GALNT17: variants seen among roughly 807,000 people sequenced by gnomAD.
The protein encoded by GALNT17 is polypeptide N-acetylgalactosaminyltransferase 17.
GALNT17 carries 29 observed loss-of-function variants against 63.7 expected under a neutral mutation model. That is an observed-to-expected ratio of 0.46 (90% confidence interval 0.34 to 0.62). The LOEUF is 0.62. Ranked by LOEUF, GALNT17 falls within the 20% of genes least tolerant of loss-of-function variation. The pLI is 0.01. For synonymous variants in GALNT17, 305 were observed against 318.3 expected (o/e 0.96, Z 0.45); for missense variants, 603 against 799.6 (o/e 0.75, Z 2.97).
chr7:71,705,618 C>T (rs915270936), intron 9 of GALNT17, among the ~76,000 whole-genome samples: 3 of 152,088 alleles, frequency 2.0e-5, no homozygotes, highest in African/African-American at 7.2e-5. Flanking sequence ...GGAAACAACC[C>T]CAATGTCCAT....
intron 2 of GALNT17, among the ~76,000 whole-genome samples, chr7:71,354,991 CA>C (rs1259183240): frequency 6.6e-6 from 1 of 152,132 alleles, no homozygotes; most frequent in Admixed American, 6.5e-5. Flanking sequence ...TAGGGATCTG[CA>C]AATGAGTCTT....
intron 5 of GALNT17, among the ~76,000 whole-genome samples, chr7:71,423,300 A>G (rs1402011918): frequency 6.6e-6 from 1 of 152,184 alleles, no homozygotes; most frequent in African/African-American, 2.4e-5. Context: ...GACTTTGCAG[A>G]TGTGATATGG....
rs10539122 is a variant in GALNT17 at position 71,564,278 on chromosome 7, C to CTT, written c.963-6984_963-6983dup. On this transcript the variant is annotated intron_variant, in intron 5 of 10. Coordinates refer to ENST00000333538, the MANE Select transcript of GALNT17 (RefSeq NM_022479.3). The stretch of plus-strand genomic sequence containing the variant: ...TCTTTCTTTTTTTTTCTTTTCTTTT[C>CTT]TTTTTTTTTTTTTTTTTTTTTTTTG... 9.7e-3 allele frequency among the ~76,000 whole-genome samples: 954 copies of CTT among 97,862 alleles called. 32 individuals carry two copies. The highest frequency in any genetic ancestry group is 0.011 in the Non-Finnish European group (548 of 52,034). The allele number at this position is 97,862 out of a possible 152,430, so 64.2% of individuals were successfully genotyped here. A position where few individuals can be genotyped will look rare whatever the true frequency, so the allele number is the denominator to read the frequency against.
intron 5 of GALNT17, among the ~76,000 whole-genome samples, chr7:71,496,120 G>C (rs1788090273): frequency 6.6e-6 from 1 of 152,166 alleles, no homozygotes; most frequent in South Asian, 2.1e-4. Flanking sequence ...GACTTAGAGA[G>C]ACAAGAACAG....
intron 9 of GALNT17, among the ~76,000 whole-genome samples, chr7:71,686,333 C>T (rs1791358487): frequency 6.6e-6 from 1 of 151,926 alleles, no homozygotes; most frequent in African/African-American, 2.4e-5. Context: ...AATCAAGATA[C>T]AGAGCAGTTC....
intron 5 of GALNT17, among the ~76,000 whole-genome samples, chr7:71,519,859 T>C (rs977065981): frequency 1.3e-4 from 20 of 152,194 alleles, no homozygotes; most frequent in Non-Finnish European, 1.2e-4. Context: ...ATAATTACGA[T>C]CGTTAATGTA....
intron 9 of GALNT17, among the ~76,000 whole-genome samples, chr7:71,693,384 G>T (rs947041971): frequency 1.3e-5 from 2 of 150,210 alleles, no homozygotes; most frequent in Non-Finnish European, 2.9e-5. Flanking sequence ...GAAAATCCAT[G>T]TTTGTGGTTT....
intron 5 of GALNT17, among the ~76,000 whole-genome samples, chr7:71,562,779 C>A (rs940015169): frequency 6.6e-6 from 1 of 152,056 alleles, no homozygotes. Context: ...GGTTGAGGAC[C>A]CCTGGTATAG....
intron 1 of GALNT17, among the ~76,000 whole-genome samples, chr7:71,185,798 C>T (rs867728872): frequency 1.7e-4 from 26 of 152,306 alleles, no homozygotes; most frequent in Admixed American, 7.2e-4. Context: ...TGAGCCACTG[C>T]GCCCGGCCCC....
chr7:71,573,832 C>T (rs1007292282), intron 6 of GALNT17, among the ~76,000 whole-genome samples: 7 of 152,278 alleles, frequency 4.6e-5, no homozygotes, highest in African/African-American at 1.7e-4. Context: ...TCCTCCCACC[C>T]TCTGCCCTCA....
chr7:71,620,869 G>C (rs993366095), intron 6 of GALNT17, among the ~76,000 whole-genome samples: 3 of 151,708 alleles, frequency 2.0e-5, no homozygotes, highest in Non-Finnish European at 2.9e-5. Context: ...TTTTCCCTTT[G>C]GATAAATATC....
intron 6 of GALNT17, among the ~76,000 whole-genome samples, chr7:71,616,720 A>G (rs1339231918): frequency 7.3e-6 from 1 of 136,358 alleles, no homozygotes; most frequent in Non-Finnish European, 1.5e-5. Context: ...TGTATATAAT[A>G]TATAATTACA....
chr7:71,313,820 A>G (rs1392815840), intron 1 of GALNT17, among the ~76,000 whole-genome samples: 3 of 152,156 alleles, frequency 2.0e-5, no homozygotes, highest in South Asian at 2.1e-4. Flanking sequence ...CTTCCAGAGT[A>G]ACTATTTCGG....
chr7:71,207,853 G>A (rs1394561133), intron 1 of GALNT17, among the ~76,000 whole-genome samples: 1 of 152,080 alleles, frequency 6.6e-6, no homozygotes, highest in Non-Finnish European at 1.5e-5. Flanking sequence ...ATTTGTTTTG[G>A]GATTTGTCAT....
At chr7:71,258,109 C>T (rs563070352) in intron 1 of GALNT17, among the ~76,000 whole-genome samples, 59 of 152,220 alleles carry the variant, frequency 3.9e-4, no homozygotes, top group Non-Finnish European at 7.2e-4. Context: ...TGCCCTTGCA[C>T]TCACATGAGC....
chr7:71,500,734 C>G (rs1384180344), intron 5 of GALNT17, among the ~76,000 whole-genome samples: 1 of 152,118 alleles, frequency 6.6e-6, no homozygotes, highest in African/African-American at 2.4e-5. Context: ...CTTTTAGATT[C>G]CGGGGACCCT....
At chr7:71,295,478 C>A (rs1791061248) in intron 1 of GALNT17, among the ~76,000 whole-genome samples, 1 of 151,800 alleles carries the variant, frequency 6.6e-6, no homozygotes, top group African/African-American at 2.4e-5. Flanking sequence ...CTCTTTGTTT[C>A]TTCCATCCTT....
chr7:71,564,369 C>G (rs887219502), intron 5 of GALNT17, among the ~76,000 whole-genome samples: 7 of 149,288 alleles, frequency 4.7e-5, no homozygotes, highest in African/African-American at 1.5e-4. Context: ...TCACTACAAC[C>G]TCCTCCTCCC....
intron 1 of GALNT17, among the ~76,000 whole-genome samples, chr7:71,154,605 C>T (rs1404515663): frequency 6.6e-6 from 1 of 152,150 alleles, no homozygotes; most frequent in Admixed American, 6.5e-5. Flanking sequence ...GAGACGGAGT[C>T]TCACTCTGTC....
Sources: gnomAD v4.1 joint callset for allele counts (sites outside exome capture counted in the v4.1 genomes callset) on GRCh38, gnomAD v4.1.1 for gene constraint, MANE v1.5 for transcripts, NCBI Gene and HGNC (gene_info 2026-07-23, HGNC 2026-07-21) for gene names.